CDH18: variants seen among roughly 807,000 people sequenced by gnomAD.
CDH18 encodes cadherin-18.
A neutral mutation model predicts 67.9 loss-of-function variants in CDH18; 31 were observed. That is an observed-to-expected ratio of 0.46 (90% CI 0.34 to 0.62). The LOEUF is 0.62. CDH18 is among the 20% of genes least tolerant of loss of function. The pLI, the probability that CDH18 is intolerant of heterozygous loss-of-function variation, is 0.01. For synonymous variants in CDH18, 362 were observed against 347.2 expected (o/e 1.04, Z -0.48); for missense variants, 890 against 975.5 (o/e 0.91, Z 1.17).
At chr5:20,095,347 G>GA (rs1424189398) in intron 2 of CDH18, among the ~76,000 whole-genome samples, 2 of 63,946 alleles carry the variant, frequency 3.1e-5, no homozygotes, top group Non-Finnish European at 6.7e-5. Flanking sequence ...AAGAAAGAAA[G>GA]AAAGAAAGAA....
At chr5:20,276,715 G>A (rs550675122) in intron 1 of CDH18, among the ~76,000 whole-genome samples, 1 of 152,282 alleles carries the variant, frequency 6.6e-6, no homozygotes, top group East Asian at 1.9e-4. Flanking sequence ...CAGGCTGTTA[G>A]GGTCCTGGAT....
rs34718835 is a variant in CDH18, at chr5:20,266,571, ATTTTTTTTTTTTT to A, written c.-579-11079_-579-11067del. On this transcript the variant is annotated intron_variant, in intron 1 of 14. Coordinates refer to the CDH18 transcript ENST00000507958. ...GGCACGTGCCGGCACGCCCGGCTGA[ATTTTTTTTTTTTT>A]TTTTTTTTTTTTTTTTGTATTTTTA... 1.9e-4 allele frequency among the ~76,000 whole-genome samples: 11 copies of A among 59,182 alleles called. No individual in the cohort carries two copies. In the East Asian group the frequency reaches 2.6e-3, roughly 14 times the overall value. 38.8% of individuals were successfully genotyped at this position (59,182 alleles called of 152,430 possible). A position where few individuals can be genotyped will look rare whatever the true frequency, so the allele number is the denominator to read the frequency against.
At chr5:19,954,136 C>G (rs1028837532) in intron 2 of CDH18, among the ~76,000 whole-genome samples, 2 of 152,002 alleles carry the variant, frequency 1.3e-5, no homozygotes, top group Non-Finnish European at 2.9e-5. Flanking sequence ...TCAAATCTAG[C>G]ACTTGGATCA....
intron 1 of CDH18, among the ~76,000 whole-genome samples, chr5:20,280,042 A>G (rs1010821117): frequency 6.6e-6 from 1 of 152,166 alleles, no homozygotes; most frequent in Non-Finnish European, 1.5e-5. Context: ...AAATGGAATC[A>G]AACTAGAAAT....
intron 3 of CDH18, among the ~76,000 whole-genome samples, chr5:19,765,398 T>TA (rs1772939797): frequency 6.2e-5 from 3 of 48,138 alleles, no homozygotes; most frequent in South Asian, 1.6e-3. Flanking sequence ...CTTTTTTTAT[T>TA]TTTTTTTTAA....
At chr5:20,447,495 T>A (rs1368558859) in intron 1 of CDH18, among the ~76,000 whole-genome samples, 2 of 152,160 alleles carry the variant, frequency 1.3e-5, no homozygotes, top group Non-Finnish European at 2.9e-5. Context: ...GTTGTCATCT[T>A]GGAAGCAGAG....
At chr5:19,748,425 C>A (rs1290063221) in intron 3 of CDH18, among the ~76,000 whole-genome samples, 1 of 152,046 alleles carries the variant, frequency 6.6e-6, no homozygotes, top group African/African-American at 2.4e-5. Context: ...GCTAAAGATT[C>A]TGCTATAACA....
intron 5 of CDH18, among the ~76,000 whole-genome samples, chr5:19,621,665 G>A (rs1307562675): frequency 6.6e-6 from 1 of 152,080 alleles, no homozygotes; most frequent in Non-Finnish European, 1.5e-5. Flanking sequence ...GTTTTCCAGG[G>A]GCTGAGTGAG....
At chr5:19,733,310 A>C (rs369586743) in intron 4 of CDH18, among the ~76,000 whole-genome samples, 2 of 152,132 alleles carry the variant, frequency 1.3e-5, no homozygotes, top group Admixed American at 6.5e-5. Context: ...TTGTTTTTAC[A>C]CTGTTCCCAC....
intron 5 of CDH18, among the ~76,000 whole-genome samples, chr5:19,660,293 A>T (rs913740074): frequency 1.3e-4 from 20 of 152,150 alleles, no homozygotes; most frequent in Non-Finnish European, 2.2e-4. Context: ...TAGTTTTAAA[A>T]TGTAACTAAA....
rs752901238 is a variant in CDH18, at chr5:19,498,376, TGAG to T, written c.1630+4613_1630+4615del. On this transcript the variant is annotated intron_variant, in intron 11 of 12. Transcript: ENST00000382275. ...AAATTGTGCCCTAGCATGAACATCCTGAGGAGAAGAATTGAAGATCTGAAGAAG... is the reference window on the plus strand; with the variant it reads ...AAATTGTGCCCTAGCATGAACATCCTGAGAAGAATTGAAGATCTGAAGAAG... 2.4e-4 allele frequency among the ~76,000 whole-genome samples: 37 copies of T among 152,222 alleles called. 2 individuals carry two copies. In the East Asian group the frequency reaches 3.9e-3, roughly 16 times the overall value.
chr5:19,723,721 A>G (rs1247367389), intron 4 of CDH18, among the ~76,000 whole-genome samples: 1 of 151,798 alleles, frequency 6.6e-6, no homozygotes, highest in Non-Finnish European at 1.5e-5. Flanking sequence ...TTTTATTATT[A>G]TTATTTTTTG....
intron 3 of CDH18, among the ~76,000 whole-genome samples, chr5:19,759,272 G>T (rs770816186): frequency 3.9e-5 from 6 of 152,192 alleles, no homozygotes; most frequent in Non-Finnish European, 4.4e-5. Flanking sequence ...TGGGGATGTG[G>T]TGGGAATCAC....
intron 1 of CDH18, among the ~76,000 whole-genome samples, chr5:20,494,956 T>A (rs988362317): frequency 6.6e-6 from 1 of 152,078 alleles, no homozygotes; most frequent in Admixed American, 6.6e-5. Flanking sequence ...AGACAGTGAA[T>A]CCCAGCAACT....
intron 1 of CDH18, chr5:20,304,260 C>T: frequency 6.3e-7 from 1 of 1,597,038 alleles, no homozygotes; most frequent in South Asian, 1.1e-5. Context: ...AAATTGGTGT[C>T]TGCCCGCACC....
intron 1 of CDH18, among the ~76,000 whole-genome samples, chr5:20,489,500 A>AG (rs935539894): frequency 1.3e-5 from 2 of 152,098 alleles, no homozygotes; most frequent in African/African-American, 2.4e-5. Context: ...TTTGTAAAAA[A>AG]TGATCTTGTG....
chr5:19,818,776 T>C (rs189061686), intron 3 of CDH18, among the ~76,000 whole-genome samples: 231 of 152,316 alleles, frequency 1.5e-3, no homozygotes, highest in African/African-American at 5.3e-3. Flanking sequence ...CAGTACAATA[T>C]AATATGCACT....
chr5:20,086,246 G>A (rs1248881729), intron 2 of CDH18, among the ~76,000 whole-genome samples: 2 of 152,200 alleles, frequency 1.3e-5, no homozygotes, highest in Admixed American at 6.5e-5. Flanking sequence ...TATGAAGGCT[G>A]AAAGAGGTGA....
intron 10 of CDH18, among the ~76,000 whole-genome samples, chr5:19,520,298 G>A (rs1436329316): frequency 6.6e-6 from 1 of 152,042 alleles, no homozygotes; most frequent in Non-Finnish European, 1.5e-5. Context: ...CTCCAAAATA[G>A]AGCTAGTCCC....
Sources: allele counts gnomAD v4.1 joint callset (sites outside exome capture counted in the v4.1 genomes callset), GRCh38; gene constraint gnomAD v4.1.1; transcripts MANE v1.5; gene names NCBI Gene and HGNC (gene_info 2026-07-23, HGNC 2026-07-21).